The following ANK2 variants were observed in gnomAD, a reference collection of about 807,000 sequenced individuals.
ANK2 encodes ankyrin-2.
A neutral mutation model predicts 360.5 loss-of-function variants in ANK2; 83 were observed. That is an observed-to-expected ratio of 0.23 (90% confidence interval 0.19 to 0.28). ANK2 has a LOEUF of 0.28. ANK2 is among the 10% of genes least tolerant of loss of function. The probability of loss-of-function intolerance (pLI) is 1.00; values close to 1 mark genes in which losing one functional copy is unlikely to be tolerated. For synonymous variants in ANK2, 1,740 were observed against 1,759.5 expected (o/e 0.99, Z 0.28); for missense variants, 4,201 against 4,795.7 (o/e 0.88, Z 3.66).
intron 1 of ANK2, among the ~76,000 whole-genome samples, chr4:112,890,969 T>A (rs1258838712): frequency 6.6e-6 from 1 of 152,216 alleles, no homozygotes; most frequent in Non-Finnish European, 1.5e-5. Context: ...AATGATGTAG[T>A]GTGCAGGCCA....
chr4:112,836,828 G>A (rs762971616), intron 1 of ANK2, among the ~76,000 whole-genome samples: 1 of 152,170 alleles, frequency 6.6e-6, no homozygotes, highest in African/African-American at 2.4e-5. Flanking sequence ...ACAGTGATAT[G>A]TGCTCACAAA....
chr4:112,793,408 T>A, the ANK2 span, among the ~76,000 whole-genome samples: 7 of 152,128 alleles, frequency 4.6e-5, no homozygotes. Context: ...TTTCAGAGAA[T>A]TTAATGATAC....
At chr4:113,217,745 G>A (rs2099102540) in intron 4 of ANK2, among the ~76,000 whole-genome samples, 1 of 152,108 alleles carries the variant, frequency 6.6e-6, no homozygotes. Context: ...CTGCTGTGCG[G>A]CCCAGTTTCA....
At chr4:113,151,102 C>A in intron 1 of ANK2, 4 of 1,288,880 alleles carry the variant, frequency 3.1e-6, no homozygotes, top group Non-Finnish European at 4.0e-6. Context: ...CAGATGAAAC[C>A]AGAGGCCGCC....
chr4:112,859,195 A>G (rs1413850387), intron 1 of ANK2, among the ~76,000 whole-genome samples: 2 of 152,136 alleles, frequency 1.3e-5, no homozygotes, highest in African/African-American at 2.4e-5. Flanking sequence ...ATCCCCCCTA[A>G]TGATGCTGAG....
chr4:113,274,393 A>C, intron 14 of ANK2, 59 bp from the exon 15 acceptor site: 1 of 1,548,094 alleles, frequency 6.5e-7, no homozygotes. Flanking sequence ...TGAGTGAAAC[A>C]TATCACCAGT....
intron 39 of ANK2, among the ~76,000 whole-genome samples, chr4:113,361,584 C>T (rs974624817): frequency 6.8e-6 from 1 of 146,360 alleles, no homozygotes; most frequent in African/African-American, 2.5e-5. Flanking sequence ...AAGAGACAAA[C>T]ATTGTAAAAT....
At chr4:113,236,317 T>A (rs995647758) in intron 5 of ANK2, among the ~76,000 whole-genome samples, 1 of 152,190 alleles carries the variant, frequency 6.6e-6, no homozygotes, top group Non-Finnish European at 1.5e-5. Flanking sequence ...TTTTAAGCTG[T>A]CTTTTTAAGT....
At chr4:112,897,114 C>T (rs2082002304) in intron 1 of ANK2, among the ~76,000 whole-genome samples, 1 of 152,154 alleles carries the variant, frequency 6.6e-6, no homozygotes, top group African/African-American at 2.4e-5. Context: ...CTGAGCTTCT[C>T]TGATAACTGT....
At chr4:112,750,932 G>A in the ANK2 span, among the ~76,000 whole-genome samples, 1 of 151,974 alleles carries the variant, frequency 6.6e-6, no homozygotes, top group South Asian at 2.1e-4. Flanking sequence ...TCACTATGTC[G>A]GTCAGGCTGG....
chr4:112,973,425 CAG>C (rs1289164786), intron 2 of ANK2, among the ~76,000 whole-genome samples: 1 of 152,150 alleles, frequency 6.6e-6, no homozygotes, highest in East Asian at 1.9e-4. Context: ...TAGCAAATGG[CAG>C]AGTTAAGTCT....
rs1341829564 is a variant in ANK2, at chr4:113,161,101, A to G, written c.85-13315A>G. On this transcript the variant is annotated intron_variant, in intron 1 of 45. Coordinates refer to ENST00000357077, the MANE Select transcript of ANK2 (RefSeq NM_001148.6). ...GCTAAAGTTTAGTTCCATGAGATGA[A>G]TTAGCTAACCTTGCTTTTGTTTTTA... Among the ~76,000 whole-genome samples the G allele has an allele frequency of 2.0e-5, 3 of 152,196 alleles. No individual in the cohort carries two copies. The East Asian group carries it at 5.8e-4, about 29-fold the overall frequency.
chr4:113,274,402 G>T (rs1236648148), intron 14 of ANK2, 50 bp from the exon 15 acceptor site: 1 of 1,573,446 alleles, frequency 6.4e-7, no homozygotes, highest in African/African-American at 1.4e-5. Context: ...CATATCACCA[G>T]TGAAGTTCTG....
At chr4:112,958,342 G>C (rs1288257112) in intron 2 of ANK2, among the ~76,000 whole-genome samples, 1 of 152,206 alleles carries the variant, frequency 6.6e-6, no homozygotes, top group Non-Finnish European at 1.5e-5. Context: ...CTGCAATCCC[G>C]GCACCTCGGG....
chr4:113,269,631 T>C (rs946474541), intron 14 of ANK2, among the ~76,000 whole-genome samples: 5 of 152,358 alleles, frequency 3.3e-5, no homozygotes, highest in African/African-American at 1.2e-4. Context: ...CCCAGTGAGA[T>C]GAGCCAGATA....
chr4:113,332,491 A>G (rs2092694121), intron 28 of ANK2, among the ~76,000 whole-genome samples: 2 of 152,232 alleles, frequency 1.3e-5, no homozygotes, highest in African/African-American at 4.8e-5. Context: ...ATTGGACACA[A>G]TTGGGCTGTC....
the ANK2 span, among the ~76,000 whole-genome samples, chr4:112,810,394 T>A: frequency 6.6e-6 from 1 of 151,976 alleles, no homozygotes; most frequent in African/African-American, 2.4e-5. Context: ...TGATACCCAG[T>A]ATACATCCAG....
chr4:113,365,242 G>A (rs1268869550), intron 41 of ANK2, 60 bp downstream of exon 41: 9 of 1,570,966 alleles, frequency 5.7e-6, no homozygotes, highest in African/African-American at 1.4e-5. Flanking sequence ...TTGTGTCTGT[G>A]TGTGGTTAAT....
intron 1 of ANK2, among the ~76,000 whole-genome samples, chr4:112,846,197 C>G (rs2063262234): frequency 6.6e-6 from 1 of 152,024 alleles, no homozygotes; most frequent in South Asian, 2.1e-4. Flanking sequence ...CTCACTGCAG[C>G]CTCTCTGGCT....
Sources: allele counts gnomAD v4.1 joint callset (sites outside exome capture counted in the v4.1 genomes callset), GRCh38; gene constraint gnomAD v4.1.1; transcripts MANE v1.5; gene names NCBI Gene and HGNC (gene_info 2026-07-23, HGNC 2026-07-21).